Variants in SLC35F3 observed in about 807,000 individuals in gnomAD.
The protein encoded by SLC35F3 is putative thiamine transporter SLC35F3.
Under a neutral mutation model 49.9 loss-of-function variants are expected in SLC35F3, and 25 were observed. The ratio of observed to expected loss-of-function variants is 0.50; its 90% CI spans 0.37 to 0.70. The LOEUF (loss-of-function observed/expected upper bound fraction) is 0.70. Among genes scored for constraint, SLC35F3 ranks in the 30% least tolerant of loss-of-function variants. The probability of loss-of-function intolerance (pLI) is 0.00; values close to 1 mark genes in which losing one functional copy is unlikely to be tolerated. For synonymous variants in SLC35F3, 275 were observed against 265.4 expected, an observed-to-expected ratio of 1.04 and a Z score of -0.35; for missense variants, 525 against 639.8, an observed-to-expected ratio of 0.82 and a Z score of 1.94.
chr1:234,218,507 G>T (rs1572099936), intron 2 of SLC35F3, among the ~76,000 whole-genome samples: 1 of 152,180 alleles, frequency 6.6e-6, no homozygotes, highest in Non-Finnish European at 1.5e-5. Flanking sequence ...TATATTGCAG[G>T]TACTATGCTA....
At chr1:234,123,044 A>G (rs6677118) in intron 2 of SLC35F3, among the ~76,000 whole-genome samples, 94,383 of 152,016 alleles carry the variant, frequency 0.62, 29,957 homozygotes, top group East Asian at 0.8. Context: ...GAATTGCCAC[A>G]CTCTCTTCCA....
intron 2 of SLC35F3, among the ~76,000 whole-genome samples, chr1:234,015,916 A>C (rs984557406): frequency 1.3e-5 from 2 of 152,236 alleles, no homozygotes; most frequent in African/African-American, 4.8e-5. Flanking sequence ...TAAGGGGTGA[A>C]TATCCAAATT....
At chr1:234,295,719 C>A (rs1417100210) in intron 3 of SLC35F3, among the ~76,000 whole-genome samples, 1 of 152,186 alleles carries the variant, frequency 6.6e-6, no homozygotes, top group South Asian at 2.1e-4. Flanking sequence ...TAAATATACT[C>A]CTTTCTACCA....
intron 2 of SLC35F3, among the ~76,000 whole-genome samples, chr1:234,051,124 C>G (rs1664370284): frequency 6.6e-6 from 1 of 152,026 alleles, no homozygotes; most frequent in African/African-American, 2.4e-5. Flanking sequence ...ATTGCGGGCT[C>G]TTTTTTTGGT....
intron 2 of SLC35F3, among the ~76,000 whole-genome samples, chr1:233,930,331 C>T (rs1030112112): frequency 6.6e-6 from 1 of 152,150 alleles, no homozygotes; most frequent in Non-Finnish European, 1.5e-5. Context: ...TCTGCCATTG[C>T]AACATGAGCT....
chr1:234,205,340 G>A (rs898912977), intron 2 of SLC35F3, among the ~76,000 whole-genome samples: 4 of 152,138 alleles, frequency 2.6e-5, no homozygotes, highest in East Asian at 3.9e-4. Context: ...GGCTTCTTTC[G>A]GTGAGGTGGT....
rs34943702 is a variant in SLC35F3 at position 234,027,960 on chromosome 1, G to A, written c.283+122202G>A. Among the ~76,000 whole-genome samples, 55 of 152,242 alleles carry A rather than the reference G, an allele frequency of 3.6e-4. No homozygotes were observed. Among genetic ancestry groups the A allele is most frequent in the Non-Finnish European group, 5.9e-4 (40 of 68,014 alleles). On this transcript the variant is annotated intron_variant, in intron 2 of 7. Transcript: ENST00000366618. The surrounding 1 kb of genome is among the most constrained non-coding windows in gnomAD (Gnocchi z 4.1). Reference sequence around the variant, plus strand: ...AAAGGGGAAATTCAGGAGGGGAATCGATCGCACAGGAGTAAAGTATCAAAT... The same window carrying A: ...AAAGGGGAAATTCAGGAGGGGAATCAATCGCACAGGAGTAAAGTATCAAAT...
chr1:234,002,669 C>G (rs1663571615), intron 2 of SLC35F3, among the ~76,000 whole-genome samples: 1 of 152,130 alleles, frequency 6.6e-6, no homozygotes, highest in Non-Finnish European at 1.5e-5. Flanking sequence ...TATAAAGTTA[C>G]TCTTTGCTCC....
chr1:234,125,378 C>A (rs983227722), intron 2 of SLC35F3, among the ~76,000 whole-genome samples: 53 of 152,212 alleles, frequency 3.5e-4, no homozygotes, highest in African/African-American at 1.2e-3. Flanking sequence ...ACATCCAGGA[C>A]CCGGGCTGAC....
chr1:233,998,395 T>C (rs1200313511), intron 2 of SLC35F3, among the ~76,000 whole-genome samples: 2 of 151,918 alleles, frequency 1.3e-5, no homozygotes, highest in Admixed American at 1.3e-4. Flanking sequence ...GCAAAAATCA[T>C]GTCGGATTTT....
intron 2 of SLC35F3, among the ~76,000 whole-genome samples, chr1:234,207,389 TC>T: frequency 3.7e-5 from 1 of 27,218 alleles, no homozygotes; most frequent in Non-Finnish European, 8.8e-5. Flanking sequence ...TTTCCTTCCA[TC>T]CTTCCTTCCT....
intron 2 of SLC35F3, among the ~76,000 whole-genome samples, chr1:234,080,224 T>C (rs1199079188): frequency 6.6e-6 from 1 of 152,182 alleles, no homozygotes; most frequent in African/African-American, 2.4e-5. Context: ...TGGGGGAGCT[T>C]CCAGGTTGGT....
chr1:234,268,966 A>G (rs1668055602), intron 3 of SLC35F3: 1 of 152,218 alleles, frequency 6.6e-6, no homozygotes, highest in Admixed American at 6.5e-5. Flanking sequence ...TATATAGTAC[A>G]TACCTATTAT....
intron 3 of SLC35F3, among the ~76,000 whole-genome samples, chr1:234,279,648 C>G (rs1231059892): frequency 6.6e-6 from 1 of 152,140 alleles, no homozygotes; most frequent in East Asian, 1.9e-4. Flanking sequence ...AGGAGCCCAG[C>G]ACCCAAGTGA....
At chr1:234,188,012 C>T (rs374580984) in intron 2 of SLC35F3, among the ~76,000 whole-genome samples, 3 of 152,162 alleles carry the variant, frequency 2.0e-5, no homozygotes, top group South Asian at 4.2e-4. Context: ...CCGAGGCGGG[C>T]GGATCACGAA....
intron 2 of SLC35F3, among the ~76,000 whole-genome samples, chr1:234,219,755 T>C (rs1667174591): frequency 6.6e-6 from 1 of 152,222 alleles, no homozygotes. Context: ...GGATGTGGCC[T>C]CAGAATTCTT....
chr1:234,256,116 A>T (rs1044359128), intron 3 of SLC35F3, among the ~76,000 whole-genome samples: 2 of 152,190 alleles, frequency 1.3e-5, no homozygotes, highest in Non-Finnish European at 2.9e-5. Flanking sequence ...AAGTCTATTC[A>T]TAATTTTAAT....
chr1:234,225,978 G>C (rs1405277444), intron 2 of SLC35F3, among the ~76,000 whole-genome samples: 1 of 152,230 alleles, frequency 6.6e-6, no homozygotes, highest in Non-Finnish European at 1.5e-5. Context: ...AATTATTATA[G>C]AGACAGAAAA....
intron 2 of SLC35F3, among the ~76,000 whole-genome samples, chr1:234,022,679 C>T (rs1173532378): frequency 6.6e-6 from 1 of 152,136 alleles, no homozygotes; most frequent in Non-Finnish European, 1.5e-5. Flanking sequence ...AGGGCCCCTC[C>T]CTAGGAGTCT....
Sources: allele counts gnomAD v4.1 joint callset (sites outside exome capture counted in the v4.1 genomes callset), GRCh38; gene constraint gnomAD v4.1.1; non-coding constraint Gnocchi (gnomAD v3.1); transcripts MANE v1.5; gene names NCBI Gene and HGNC (gene_info 2026-07-23, HGNC 2026-07-21).